ZBTB16: variants seen among roughly 807,000 people sequenced by gnomAD.
The protein encoded by ZBTB16 is zinc finger and BTB domain-containing protein 16.
A neutral mutation model predicts 56.8 loss-of-function variants in ZBTB16; 8 were observed. The observed-to-expected ratio is 0.14, with a 90% CI of 0.08 to 0.25. ZBTB16 has a LOEUF of 0.25. Among genes scored for constraint, ZBTB16 ranks in the 10% least tolerant of loss-of-function variants. The probability of loss-of-function intolerance (pLI) is 1.00; values close to 1 mark genes in which losing one functional copy is unlikely to be tolerated. For missense variants in ZBTB16, 625 were observed against 903.0 expected (o/e 0.69, Z 3.95); for synonymous variants, 363 against 368.5 (o/e 0.98, Z 0.17).
intron 4 of ZBTB16, among the ~76,000 whole-genome samples, chr11:114,207,230 AT>A (rs1943898811): frequency 6.6e-6 from 1 of 152,078 alleles, no homozygotes; most frequent in African/African-American, 2.4e-5. Context: ...CAGTGAAATC[AT>A]TTAGAGGAAC....
At chr11:114,156,312 A>G (rs369356903) in intron 2 of ZBTB16, 25 bp from the exon 3 acceptor site, 7 of 1,613,066 alleles carry the variant, frequency 4.3e-6, no homozygotes, top group South Asian at 1.1e-5. Flanking sequence ...AGCAGCAGCA[A>G]CCTCTCTTTT....
At chr11:114,164,173 G>A (rs997854021) in intron 3 of ZBTB16, among the ~76,000 whole-genome samples, 3 of 152,176 alleles carry the variant, frequency 2.0e-5, no homozygotes, top group Non-Finnish European at 2.9e-5. Context: ...GATTGGATTT[G>A]TCATTTTTCC....
At chr11:114,085,745 A>C (rs976582863) in intron 2 of ZBTB16, among the ~76,000 whole-genome samples, 4 of 152,070 alleles carry the variant, frequency 2.6e-5, no homozygotes, top group African/African-American at 9.7e-5. Flanking sequence ...GGGTGGGGGC[A>C]GGTGCCTGTA....
intron 4 of ZBTB16, among the ~76,000 whole-genome samples, chr11:114,233,113 ACACACACACACACTCTCTCT>A (rs753556842): frequency 0.13 from 6,810 of 52,852 alleles, 401 homozygotes; most frequent in East Asian, 0.31. Context: ...ACACACACAC[ACACACACACACACTCTCTCT>A]CTCTCACACT....
intron 2 of ZBTB16, among the ~76,000 whole-genome samples, chr11:114,124,570 A>AAAAAAAAAAAAAACAAAAAAAAAAACC (rs1565638154): frequency 2.0e-5 from 3 of 146,580 alleles, no homozygotes; most frequent in East Asian, 2.0e-4. Flanking sequence ...AAAAAAAAAA[A>AAAAAAAAAAAAAACAAAAAAAAAAACC]AACAAAAACA....
chr11:114,118,789 A>T (rs1941253513), intron 2 of ZBTB16, among the ~76,000 whole-genome samples: 1 of 152,166 alleles, frequency 6.6e-6, no homozygotes, highest in Non-Finnish European at 1.5e-5. Flanking sequence ...GAAGAGACAA[A>T]TGTTTTTAAT....
chr11:114,078,159 C>T (rs1226143596), intron 2 of ZBTB16, among the ~76,000 whole-genome samples: 1 of 152,182 alleles, frequency 6.6e-6, no homozygotes, highest in East Asian at 1.9e-4. Flanking sequence ...TGATCAGCTT[C>T]CTGCCCTCAC....
chr11:114,073,995 T>C (rs1202271450), intron 2 of ZBTB16, among the ~76,000 whole-genome samples: 2 of 152,216 alleles, frequency 1.3e-5, no homozygotes, highest in Non-Finnish European at 2.9e-5. Flanking sequence ...GTTTGAATAC[T>C]AGTGCTCCAT....
intron 4 of ZBTB16, among the ~76,000 whole-genome samples, chr11:114,215,206 T>A (rs919240003): frequency 1.3e-5 from 2 of 152,234 alleles, no homozygotes; most frequent in African/African-American, 4.8e-5. Context: ...TAGTAGTTGT[T>A]CAACACAAAG....
At chr11:114,115,794 A>G (rs1428944145) in intron 2 of ZBTB16, among the ~76,000 whole-genome samples, 7 of 152,160 alleles carry the variant, frequency 4.6e-5, no homozygotes, top group Non-Finnish European at 4.4e-5. Context: ...TGTCTTTCCC[A>G]GAGGAGGGGA....
intron 4 of ZBTB16, among the ~76,000 whole-genome samples, chr11:114,197,522 T>TG (rs1282183020): frequency 6.6e-6 from 1 of 152,078 alleles, no homozygotes; most frequent in African/African-American, 2.4e-5. Context: ...TCTCCAACCT[T>TG]GGTGTTGGCT....
In ZBTB16 at chr11:114,064,010, G is replaced by A. The variant is rs1368436455; in HGVS notation, c.710G>A (p.Gly237Glu). The change falls in exon 2 of 7, where the codon GGG becomes GAG. Residue 237 changes from glycine (G) to glutamate (E), a missense_variant. Physicochemically the swap from Gly to Glu is moderately conservative, Grantham distance 98 (BLOSUM62 -2). Coordinates refer to ENST00000335953, the MANE Select transcript of ZBTB16 (RefSeq NM_006006.6). The surrounding 1 kb of genome is among the most constrained non-coding windows in gnomAD (Gnocchi z 4.2). ...PTLAGGGRHP[G>E]VAEVKTEMMQ... ...CTGGCTGGGGGTGGGCGGCACCCTG[G>A]GGTGGCTGAGGTGAAGACGGAGATG... 1.2e-6 allele frequency: 2 copies of A among 1,613,166 alleles called. No homozygotes were observed. Among genetic ancestry groups the A allele is most frequent in the Admixed American group, 3.3e-5 (2 of 59,958 alleles).
At chr11:114,080,963 CT>C (rs1296450976) in intron 2 of ZBTB16, among the ~76,000 whole-genome samples, 4 of 152,168 alleles carry the variant, frequency 2.6e-5, no homozygotes, top group African/African-American at 9.7e-5. Context: ...CTGAAGGGCC[CT>C]TGGAATCATT....
intron 2 of ZBTB16, among the ~76,000 whole-genome samples, chr11:114,115,121 C>T (rs1245836410): frequency 1.3e-5 from 2 of 152,112 alleles, no homozygotes; most frequent in Non-Finnish European, 2.9e-5. Context: ...TGCTGCAAAC[C>T]TGTATACTTC....
chr11:114,233,241 A>T (rs757559865), intron 4 of ZBTB16, among the ~76,000 whole-genome samples: 1 of 151,894 alleles, frequency 6.6e-6, no homozygotes, highest in Non-Finnish European at 1.5e-5. Flanking sequence ...AAGAAGAAGG[A>T]GCTGCTGGGG....
chr11:114,153,070 C>G (rs989329835), intron 2 of ZBTB16, among the ~76,000 whole-genome samples: 1 of 152,200 alleles, frequency 6.6e-6, no homozygotes, highest in Non-Finnish European at 1.5e-5. Context: ...AATTCTATTT[C>G]CACATTGGCT....
chr11:114,169,524 T>G (rs907054857), intron 3 of ZBTB16, among the ~76,000 whole-genome samples: 5 of 152,142 alleles, frequency 3.3e-5, no homozygotes, highest in African/African-American at 1.2e-4. Flanking sequence ...GTGGCCCTCT[T>G]TTGCAGGAAA....
chr11:114,075,406 C>T (rs1939514315), intron 2 of ZBTB16, among the ~76,000 whole-genome samples: 2 of 152,066 alleles, frequency 1.3e-5, no homozygotes, highest in African/African-American at 4.8e-5. Flanking sequence ...AGGTTGTATA[C>T]TTGAAAGGAT....
At chr11:114,199,083 A>T (rs1243802314) in intron 4 of ZBTB16, among the ~76,000 whole-genome samples, 1 of 152,278 alleles carries the variant, frequency 6.6e-6, no homozygotes, top group Admixed American at 6.5e-5. Context: ...TCTCGATGCC[A>T]GACATGGATG....
Sources: allele counts gnomAD v4.1 joint callset (sites outside exome capture counted in the v4.1 genomes callset), GRCh38; gene constraint gnomAD v4.1.1; non-coding constraint Gnocchi (gnomAD v3.1); transcripts MANE v1.5; gene names NCBI Gene and HGNC (gene_info 2026-07-23, HGNC 2026-07-21).